EIF2AK4: variants seen among roughly 807,000 people sequenced by gnomAD.
EIF2AK4 encodes eIF-2-alpha kinase GCN2.
In EIF2AK4, 139 loss-of-function variants were observed where a neutral mutation model predicts 211.1. That is an observed-to-expected ratio of 0.66 (90% confidence interval 0.57 to 0.76). The LOEUF (loss-of-function observed/expected upper bound fraction) is 0.76, where lower values mean the gene tolerates loss of function less well. Ranked by LOEUF, EIF2AK4 falls within the 30% of genes least tolerant of loss-of-function variation. The pLI, the probability that EIF2AK4 is intolerant of heterozygous loss-of-function variation, is 0.00. For missense variants in EIF2AK4, 1,664 were observed against 2,043.8 expected (o/e 0.81, Z 3.58); for synonymous variants, 710 against 751.3 (o/e 0.94, Z 0.90).
intron 31 of EIF2AK4, 158 bp from the exon 32 acceptor site, chr15:40,022,361 T>C (rs2035403047): frequency 1.7e-6 from 1 of 602,312 alleles, no homozygotes; most frequent in Admixed American, 3.4e-5. Flanking sequence ...TTGAATTCTA[T>C]GCGGCTTCTT....
intron 38 of EIF2AK4, 66 bp from the exon 39 acceptor site, chr15:40,034,961 T>A: frequency 7.5e-7 from 1 of 1,324,864 alleles, no homozygotes; most frequent in Non-Finnish European, 1.0e-6. Flanking sequence ...GTTATAAAAA[T>A]TTATTAGCTC....
chr15:40,004,290 T>A (rs1308724137), intron 23 of EIF2AK4, among the ~76,000 whole-genome samples: 1 of 152,172 alleles, frequency 6.6e-6, no homozygotes, highest in African/African-American at 2.4e-5. Flanking sequence ...GAAAAACACA[T>A]CAGTGTATGA....
chr15:40,032,703 C>T, intron 36 of EIF2AK4, 54 bp from the exon 37 acceptor site: 1 of 1,541,018 alleles, frequency 6.5e-7, no homozygotes, highest in Non-Finnish European at 8.9e-7. Flanking sequence ...ACACTATGGT[C>T]ACAAGGCAGT....
chr15:40,011,466 C>G (rs746204427), intron 27 of EIF2AK4, 120 bp downstream of exon 27: 8 of 750,102 alleles, frequency 1.1e-5, no homozygotes, highest in Non-Finnish European at 1.5e-5. Flanking sequence ...CTCGCAGATG[C>G]AGTTTTTCCC....
intron 21 of EIF2AK4, among the ~76,000 whole-genome samples, chr15:40,002,181 A>C (rs2035102065): frequency 6.6e-6 from 1 of 152,200 alleles, no homozygotes; most frequent in Non-Finnish European, 1.5e-5. Context: ...TATTTGCAGG[A>C]TTATAGGTGA....
At chr15:39,950,780 TAGGACATC>T (rs1439340490) in intron 4 of EIF2AK4, among the ~76,000 whole-genome samples, 1 of 152,112 alleles carries the variant, frequency 6.6e-6, no homozygotes, top group Non-Finnish European at 1.5e-5. Context: ...TGAACCTTGT[TAGGACATC>T]AGCACATTAC....
At chr15:39,975,822 C>T (rs2034685850) in intron 11 of EIF2AK4, among the ~76,000 whole-genome samples, 1 of 152,152 alleles carries the variant, frequency 6.6e-6, no homozygotes, top group African/African-American at 2.4e-5. Flanking sequence ...GGCCTTGATA[C>T]AAGTGCTTTA....
intron 15 of EIF2AK4, among the ~76,000 whole-genome samples, chr15:39,990,027 C>T (rs1177270926): frequency 6.6e-6 from 1 of 152,102 alleles, no homozygotes; most frequent in Non-Finnish European, 1.5e-5. Context: ...TGGAAGGGGC[C>T]TTGGATGCCA....
chr15:40,027,788 G>A (rs1242800032), intron 33 of EIF2AK4, among the ~76,000 whole-genome samples: 1 of 152,040 alleles, frequency 6.6e-6, no homozygotes. Context: ...CTACTCGGGA[G>A]GCTGAGGCAG....
chr15:39,956,461 A>T (rs1287280176), intron 6 of EIF2AK4, among the ~76,000 whole-genome samples: 1 of 152,204 alleles, frequency 6.6e-6, no homozygotes, highest in African/African-American at 2.4e-5. Flanking sequence ...GTCCCACCAC[A>T]GTTGTAAGGA....
At chr15:40,029,861 G>T (rs982153809) in intron 34 of EIF2AK4, among the ~76,000 whole-genome samples, 1 of 152,196 alleles carries the variant, frequency 6.6e-6, no homozygotes, top group Admixed American at 6.5e-5. Context: ...AGTGGTGATA[G>T]TTATGCCTTT....
intron 16 of EIF2AK4, 175 bp from the exon 17 acceptor site, chr15:39,992,000 A>G: frequency 1.9e-6 from 1 of 523,552 alleles, no homozygotes; most frequent in Non-Finnish European, 3.3e-6. Context: ...GGGTTTTCTG[A>G]GAGCCTTGCA....
intron 32 of EIF2AK4, among the ~76,000 whole-genome samples, chr15:40,025,386 G>A (rs982993025): frequency 6.6e-6 from 1 of 152,208 alleles, no homozygotes; most frequent in Non-Finnish European, 1.5e-5. Flanking sequence ...GTGTAGCATG[G>A]AATAGAGTGA....
At chr15:39,938,635 TAA>T (rs754331001) in intron 1 of EIF2AK4, among the ~76,000 whole-genome samples, 14 of 152,286 alleles carry the variant, frequency 9.2e-5, no homozygotes, top group Non-Finnish European at 1.9e-4. Flanking sequence ...GATGGCATAA[TAA>T]AAGAGTGGCT....
chr15:40,032,636 C>T lies in EIF2AK4; in HGVS notation c.4729-121C>T, dbSNP rs2291621. On this transcript the variant is annotated intron_variant, in intron 36 of 38. Transcript: ENST00000263791. ...CTGCACAGTTCATTAAGCCCTTTTA[C>T]AGCACAATAGCATCTCAGACTCTGC... The T allele has an allele frequency of 0.92, 773,746 of 844,720 alleles. 355,135 individuals carry two copies. The highest frequency in any genetic ancestry group is 0.96 in the Admixed American group (38,049 of 39,730). 52.3% of individuals were successfully genotyped at this position (844,720 alleles called of 1,614,324 possible). A position where few individuals can be genotyped will look rare whatever the true frequency, so the allele number is the denominator to read the frequency against.
intron 33 of EIF2AK4, among the ~76,000 whole-genome samples, chr15:40,026,653 T>G (rs1161338917): frequency 1.3e-5 from 2 of 152,220 alleles, no homozygotes; most frequent in African/African-American, 2.4e-5. Flanking sequence ...TTTATCATTT[T>G]GAAAAGCCTC....
At chr15:39,968,130 G>T (rs1182581060) in intron 9 of EIF2AK4, among the ~76,000 whole-genome samples, 2 of 152,216 alleles carry the variant, frequency 1.3e-5, no homozygotes. Context: ...TTGGGGGACT[G>T]ATGGGATACT....
intron 13 of EIF2AK4, among the ~76,000 whole-genome samples, chr15:39,983,862 C>A (rs2034828818): frequency 6.6e-6 from 1 of 152,170 alleles, no homozygotes; most frequent in South Asian, 2.1e-4. Flanking sequence ...TTAATTAGAT[C>A]CCATTTGTCA....
intron 29 of EIF2AK4, among the ~76,000 whole-genome samples, chr15:40,018,030 G>T (rs76057416): frequency 0.029 from 4,340 of 152,122 alleles, 180 homozygotes; most frequent in African/African-American, 0.1. Flanking sequence ...ATGAAATGTA[G>T]AAACTTTATC....
Sources: allele counts gnomAD v4.1 joint callset (sites outside exome capture counted in the v4.1 genomes callset), GRCh38; gene constraint gnomAD v4.1.1; transcripts MANE v1.5; gene names NCBI Gene and HGNC (gene_info 2026-07-23, HGNC 2026-07-21).